Variants in IPO5 observed in about 807,000 individuals in gnomAD.
IPO5 encodes importin 5, also known as importin-5.
IPO5 carries 18 observed loss-of-function variants against 143.3 expected under a neutral mutation model. The observed-to-expected ratio is 0.13, with a 90% confidence interval of 0.09 to 0.19. The LOEUF (loss-of-function observed/expected upper bound fraction) is 0.19. IPO5 is among the 10% of genes least tolerant of loss of function. The pLI is 1.00. For synonymous variants in IPO5, 477 were observed against 465.7 expected (o/e 1.02, Z -0.31); for missense variants, 1,013 against 1,336.9 (o/e 0.76, Z 3.78).
At chr13:98,001,764 C>T (rs1363345139) in intron 13 of IPO5, 2 of 152,274 alleles carry the variant, frequency 1.3e-5, no homozygotes, top group Non-Finnish European at 2.9e-5. Context: ...AGGCATGAGC[C>T]ACTGCACCCG....
chr13:97,960,133 C>T (rs1884748905), intron 2 of IPO5: 1 of 152,178 alleles, frequency 6.6e-6, no homozygotes, highest in Non-Finnish European at 1.5e-5. Context: ...ACTAAAAATC[C>T]ATGCTGCCAA....
intron 6 of IPO5, among the ~76,000 whole-genome samples, chr13:97,986,458 T>C (rs1388614981): frequency 1.3e-5 from 2 of 152,046 alleles, no homozygotes; most frequent in Non-Finnish European, 1.5e-5. Flanking sequence ...CAGGTTCAAG[T>C]GATTTTCCTG....
rs190454031 is a variant in IPO5, at chr13:97,981,113, C to G, written c.91-1390C>G. ...ATAAATTCAAACCATCTTCTCTCCT[C>G]GGCTGTGAATACTTTTTGGCACAGT... is the stretch of plus-strand genomic sequence containing the variant. On this transcript the variant is annotated intron_variant, in intron 4 of 28. Transcript: ENST00000651721. 1.6e-3 allele frequency: 575 copies of G among 349,076 alleles called. 9 individuals are homozygous for G. In the Admixed American group the frequency reaches 0.02, roughly 12 times the overall value. 21.6% of individuals were successfully genotyped at this position (349,076 alleles called of 1,614,324 possible). A position where few individuals can be genotyped will look rare whatever the true frequency, so the allele number is the denominator to read the frequency against.
intron 28 of IPO5, 59 bp downstream of exon 28, chr13:98,021,192 C>T (rs1890461840): frequency 2.1e-6 from 3 of 1,446,254 alleles, no homozygotes; most frequent in South Asian, 1.4e-5. Context: ...CTTTGTAGTC[C>T]TCTATGAGAA....
intron 25 of IPO5, among the ~76,000 whole-genome samples, chr13:98,018,116 T>C (rs982060607): frequency 6.6e-6 from 1 of 152,258 alleles, no homozygotes; most frequent in South Asian, 2.1e-4. Context: ...ACTTAGCCTG[T>C]TGAATAAATG....
intron 2 of IPO5, among the ~76,000 whole-genome samples, chr13:97,966,133 CA>C (rs34256210): frequency 0.4 from 35,655 of 89,446 alleles, 4,747 homozygotes; most frequent in Middle Eastern, 0.51. Context: ...GGCCCCCTCT[CA>C]AAAAAAAAAA....
chr13:98,019,687 G>A lies in IPO5; in HGVS notation c.2943G>A (p.Lys981=), dbSNP rs756966221. The change falls in exon 27 of 29, where the codon AAG becomes AAA. Residue 981 remains lysine (K), a synonymous_variant. Coordinates refer to ENST00000651721, the MANE Select transcript of IPO5 (RefSeq NM_002271.6). ...NCISAVGKIM[K]FKPDCVNVEE... is the part of the protein sequence containing the mutation. ...TCTCAGCAGTAGGGAAAATCATGAA[G>A]TTCAAGCCTGACTGTGTAAACGTTG... is the stretch of plus-strand genomic sequence containing the variant. 5 of 1,614,070 alleles carry A rather than the reference G, an allele frequency of 3.1e-6. No homozygotes were observed. Among genetic ancestry groups the A allele is most frequent in the East Asian group, 2.2e-5 (1 of 44,878 alleles).
At chr13:97,989,445 T>C (rs922670083) in intron 7 of IPO5, among the ~76,000 whole-genome samples, 2 of 152,192 alleles carry the variant, frequency 1.3e-5, no homozygotes, top group African/African-American at 2.4e-5. Context: ...TCTCCTTTAT[T>C]TGGAGATTAA....
chr13:97,998,038 C>G lies in IPO5; in HGVS notation c.1001+420C>G, dbSNP rs138600601. ...TCGCCCAGGCTGGAGTGCAGTGGCG[C>G]GATCTCGGCTCACCGCAAGCTCCGC... On this transcript the variant is annotated intron_variant, in intron 12 of 28. Coordinates refer to ENST00000651721, the MANE Select transcript of IPO5 (RefSeq NM_002271.6). 6.4e-4 allele frequency among the ~76,000 whole-genome samples: 98 copies of G among 152,252 alleles called. 1 individual carries two copies. The highest frequency in any genetic ancestry group is 1.7e-3 in the African/African-American group (70 of 41,538).
At position 97,985,587 on chromosome 13, in the gene IPO5, C is replaced by T. The variant is rs1179234681; in HGVS notation, c.338C>T (p.Ala113Val). 5 of 1,612,706 alleles carry T rather than the reference C, an allele frequency of 3.1e-6. No individual in the cohort carries two copies. The highest frequency in any genetic ancestry group is 2.2e-5 in the South Asian group (2 of 91,040). The change falls in exon 6 of 29, where the codon GCG becomes GTG. Residue 113 changes from alanine to valine, a missense_variant. This residue lies in a region of IPO5 where 328 missense variants were observed against 342.0 expected (regional missense o/e 0.96). Transcript: ENST00000651721. ...ATGAGGAAAAAAGTTTGTGATATTG[C>T]GGCAGAACTGGCCAGGAATTTAATA... ...SSMRKKVCDI[A>V]AELARNLIDE... is the part of the protein sequence containing the mutation.
intron 3 of IPO5, 133 bp downstream of exon 3, chr13:97,969,963 T>C (rs1885685488): frequency 1.5e-6 from 1 of 676,074 alleles, no homozygotes; most frequent in Non-Finnish European, 2.6e-6. Context: ...CCTCCCAAAG[T>C]GCTGGGATTA....
Position 98,024,253 on chromosome 13 carries a change from A to G in IPO5, c.*2431A>G, listed in dbSNP as rs1216004908. ...TATAACTCTGGAGTTGTAGTTTGAC[A>G]GAACCATCAGTAAAGACATAAGCAA... On this transcript the variant is annotated 3_prime_UTR_variant, in exon 29 of 29. Transcript: ENST00000651721. 1 of 152,204 alleles carries G rather than the reference A, an allele frequency of 6.6e-6. No homozygotes were observed. Among genetic ancestry groups the G allele is most frequent in the African/African-American group, 2.4e-5 (1 of 41,460 alleles). The allele number at this position is 152,204 out of a possible 1,614,324, so 9.4% of individuals were successfully genotyped here.
chr13:97,968,249 T>C (rs558371782), intron 2 of IPO5, among the ~76,000 whole-genome samples: 1 of 152,346 alleles, frequency 6.6e-6, no homozygotes, highest in African/African-American at 2.4e-5. Context: ...AGAACATACT[T>C]TGTTGGTTTC....
chr13:98,007,961 A>G (rs773791732), intron 17 of IPO5, 98 bp from the exon 18 acceptor site: 89 of 670,358 alleles, frequency 1.3e-4, no homozygotes, highest in Non-Finnish European at 2.1e-4. Flanking sequence ...GTTATGACCT[A>G]TGTGGGCAAT....
chr13:98,019,368 C>T (rs2139876156), intron 26 of IPO5, among the ~76,000 whole-genome samples: 1 of 152,312 alleles, frequency 6.6e-6, no homozygotes, highest in South Asian at 2.1e-4. Flanking sequence ...CTCTGGGTCT[C>T]TAAGTTAGTA....
intron 3 of IPO5, among the ~76,000 whole-genome samples, chr13:97,974,224 G>A (rs1886068383): frequency 1.3e-5 from 2 of 152,006 alleles, no homozygotes; most frequent in Non-Finnish European, 2.9e-5. Context: ...CTGGAGATCG[G>A]GCCATGCCCT....
intron 13 of IPO5, chr13:98,000,968 A>G: frequency 3.8e-6 from 1 of 264,418 alleles, no homozygotes. Context: ...TAATGTTATC[A>G]AAAGAGAAAC....
intron 4 of IPO5, among the ~76,000 whole-genome samples, chr13:97,977,942 C>T (rs930018862): frequency 6.6e-6 from 1 of 152,208 alleles, no homozygotes; most frequent in African/African-American, 2.4e-5. Flanking sequence ...CTTCTGAACT[C>T]AGGCCTGAAG....
intron 2 of IPO5, among the ~76,000 whole-genome samples, chr13:97,964,942 A>C (rs1008605600): frequency 1.3e-5 from 2 of 152,190 alleles, no homozygotes. Flanking sequence ...GAACCAACCA[A>C]ATGCCCATCA....
Sources: allele counts gnomAD v4.1 joint callset (sites outside exome capture counted in the v4.1 genomes callset), GRCh38; gene constraint gnomAD v4.1.1; regional missense constraint gnomAD v4.1.1; transcripts MANE v1.5; gene names NCBI Gene and HGNC (gene_info 2026-07-23, HGNC 2026-07-21).